ATRIP: variants seen among roughly 807,000 people sequenced by gnomAD.
ATRIP encodes the protein ATR-interacting protein.
In ATRIP, 44 loss-of-function variants were observed where a neutral mutation model predicts 78.1. That is an observed-to-expected ratio of 0.56 (90% CI 0.44 to 0.72). The LOEUF (loss-of-function observed/expected upper bound fraction) is 0.72, where lower values mean the gene tolerates loss of function less well. ATRIP is among the 30% of genes least tolerant of loss of function. The pLI is 0.00. For missense variants in ATRIP, 927 were observed against 980.2 expected (o/e 0.95, Z 0.72); for synonymous variants, 388 against 408.9 (o/e 0.95, Z 0.62).
At position 48,446,818 on chromosome 3, in the gene ATRIP, T is replaced by C; in HGVS notation, c.-28T>C. ...GCGGCAGGCAAGTCTAGCTCGGCGC[T>C]GTCGGATACTTGGGGTGAGCGGAAA... On this transcript the variant is annotated 5_prime_UTR_variant, in exon 1 of 13. Transcript: ENST00000320211. The C allele has an allele frequency of 7.2e-7, 1 of 1,383,582 alleles. No individual in the cohort carries two copies. Among genetic ancestry groups the C allele is most frequent in the Non-Finnish European group, 9.4e-7 (1 of 1,067,518 alleles). 85.7% of individuals were successfully genotyped at this position (1,383,582 alleles called of 1,614,324 possible).
rs3135938 is a variant in ATRIP, at chr3:48,464,905, C to T, written c.2130C>T (p.Thr710=). Residue 710 remains threonine, a synonymous_variant, in exon 12 of 13, where the codon ACC becomes ACT. Coordinates refer to ENST00000320211, the MANE Select transcript of ATRIP (RefSeq NM_130384.3). ...GGAGGGCAGGGGGACCCCCAAGGAC[C>T]GACCAGCAGAGGCGGACAGTGCGCT... ...TVRRAGGPPR[T]DQQRRTVRCL... 3.8e-5 allele frequency: 62 copies of T among 1,614,052 alleles called. No homozygotes were observed. The Admixed American group carries it at 4.7e-4, about 12-fold the overall frequency.
In ATRIP at chr3:48,466,399, G is replaced by A. The variant is rs979466532; in HGVS notation, c.*845G>A. On this transcript the variant is annotated 3_prime_UTR_variant, in exon 13 of 13. Transcript: ENST00000320211. ...CTAAGGGGGCACTAGGGGAGGGGCC[G>A]AGTCATGTGAAGAGGGAGACCCTCT... 6.4e-5 allele frequency: 101 copies of A among 1,574,492 alleles called. No homozygotes were observed. The highest frequency in any genetic ancestry group is 1.4e-4 in the African/African-American group (10 of 73,916).
Position 48,466,612 on chromosome 3 carries a change from C to A in ATRIP, c.*1058C>A. The A allele has an allele frequency of 6.2e-7, 1 of 1,614,082 alleles. No homozygotes were observed. Among genetic ancestry groups the A allele is most frequent in the Middle Eastern group, 1.6e-4 (1 of 6,062 alleles). ...TTAACACTGGGCACTCACACACCCACCCCATGCTCCTCTCCAGGCTCAGCA... is the reference window on the plus strand; with the variant it reads ...TTAACACTGGGCACTCACACACCCAACCCATGCTCCTCTCCAGGCTCAGCA... On this transcript the variant is annotated 3_prime_UTR_variant, in exon 13 of 13. Coordinates refer to ENST00000320211, the MANE Select transcript of ATRIP (RefSeq NM_130384.3).
At position 48,467,388 on chromosome 3, in the gene ATRIP, C is replaced by T; in HGVS notation, c.*1834C>T. 1.2e-6 allele frequency: 2 copies of T among 1,614,192 alleles called. No homozygotes were observed. Among genetic ancestry groups the T allele is most frequent in the African/African-American group, 1.3e-5 (1 of 75,056 alleles). ...AGCCTCTGCTAGGACCAAGCCAAGA[C>T]CATCTGCTGTCACAACCACTGCACA... On this transcript the variant is annotated 3_prime_UTR_variant, in exon 13 of 13. Transcript: ENST00000320211.
intron 1 of ATRIP, 174 bp downstream of exon 1, chr3:48,447,266 G>A (rs980708940): frequency 1.6e-6 from 2 of 1,266,394 alleles, no homozygotes; most frequent in African/African-American, 3.1e-5. Context: ...GATTTTAGGG[G>A]GAAATGCATT....
intron 5 of ATRIP, among the ~76,000 whole-genome samples, chr3:48,458,023 C>G (rs933703042): frequency 2.0e-5 from 3 of 151,834 alleles, no homozygotes; most frequent in African/African-American, 4.8e-5. Context: ...ATCCCTCCCC[C>G]CTCCTCCCAA....
chr3:48,465,717 AC>A lies in ATRIP; in HGVS notation c.*166del. On this transcript the variant is annotated 3_prime_UTR_variant, in exon 13 of 13. Coordinates refer to ENST00000320211, the MANE Select transcript of ATRIP (RefSeq NM_130384.3). The stretch of plus-strand genomic sequence containing the variant: ...GTGGGAGGGGTGGAGCAGGACCCGG[AC>A]CCTGAGTGGCTGGGATCCTTCTTCC... 1 of 652,472 alleles carries A rather than the reference AC, an allele frequency of 1.5e-6. No individual in the cohort carries two copies. Among genetic ancestry groups the A allele is most frequent in the Non-Finnish European group, 2.6e-6 (1 of 383,878 alleles). The allele number at this position is 652,472 out of a possible 1,614,324, so 40.4% of individuals were successfully genotyped here. A position where few individuals can be genotyped will look rare whatever the true frequency, so the allele number is the denominator to read the frequency against.
At chr3:48,452,765 G>A (rs978527840) in intron 3 of ATRIP, among the ~76,000 whole-genome samples, 1 of 152,046 alleles carries the variant, frequency 6.6e-6, no homozygotes, top group Non-Finnish European at 1.5e-5. Flanking sequence ...TTTAACTTGA[G>A]TCAGTTGTCT....
At chr3:48,463,637 T>C in intron 8 of ATRIP, 108 bp from the exon 9 acceptor site, 3 of 1,453,356 alleles carry the variant, frequency 2.1e-6, no homozygotes, top group South Asian at 2.7e-5. Flanking sequence ...CCAACTCACC[T>C]GTTCATACTG....
rs770881824 is a variant in ATRIP, at chr3:48,464,890, G to A, written c.2115G>A (p.Gly705=). The change falls in exon 12 of 13, where the codon GGG becomes GGA. Residue 705 remains glycine, a synonymous_variant. Transcript: ENST00000320211. ...AGTGGCTGACAGTGCGGAGGGCAGGGGGACCCCCAAGGACCGACCAGCAGA... is the reference window on the plus strand; with the variant it reads ...AGTGGCTGACAGTGCGGAGGGCAGGAGGACCCCCAAGGACCGACCAGCAGA... ...HRQWLTVRRA[G]GPPRTDQQRR... is the part of the protein sequence containing the mutation. 3 of 1,613,990 alleles carry A rather than the reference G, an allele frequency of 1.9e-6. No homozygotes were observed. The South Asian group carries it at 3.3e-5, about 18-fold the overall frequency.
chr3:48,449,242 C>T (rs970699341), intron 1 of ATRIP, among the ~76,000 whole-genome samples: 14 of 151,262 alleles, frequency 9.3e-5, no homozygotes, highest in African/African-American at 3.4e-4. Flanking sequence ...GGTGAAACCC[C>T]GTCTCTACTA....
rs375036455 is a variant in ATRIP, at chr3:48,464,616, G to A, written c.2009G>A (p.Ser670Asn). ...CTCCTGGCTAAGCTTGGTGTGCAGA[G>A]CCCCTTGCCCCCAGTCACTGGCTCC... is the stretch of plus-strand genomic sequence containing the variant. ...VWLLAKLGVQ[S>N]PLPPVTGSNC... Residue 670 changes from serine to asparagine, a missense_variant, in exon 11 of 13, where the codon AGC becomes AAC. Transcript: ENST00000320211. 2.3e-5 allele frequency: 37 copies of A among 1,614,034 alleles called. No homozygotes were observed. The highest frequency in any genetic ancestry group is 2.9e-5 in the Non-Finnish European group (34 of 1,179,996).
In ATRIP at chr3:48,460,302, C is replaced by G. The variant is rs34293767; in HGVS notation, c.1248C>G (p.Ala416=). ...TCCCACTCTGCCAGCTTCCTGGAGCCGTGCATTTCCTCCCCCTTGTACAGT... is the reference window on the plus strand; with the variant it reads ...TCCCACTCTGCCAGCTTCCTGGAGCGGTGCATTTCCTCCCCCTTGTACAGT... ...RAFPLCQLPG[A]VHFLPLVQFF... Residue 416 remains alanine (A), a synonymous_variant, in exon 8 of 13, where the codon GCC becomes GCG. Transcript: ENST00000320211. 1 of 1,613,874 alleles carries G rather than the reference C, an allele frequency of 6.2e-7. No individual in the cohort carries two copies. The highest frequency in any genetic ancestry group is 1.3e-5 in the African/African-American group (1 of 74,918).
chr3:48,467,221 A>G lies in ATRIP; in HGVS notation c.*1667A>G. The G allele has an allele frequency of 6.2e-7, 1 of 1,614,038 alleles. No individual in the cohort carries two copies. The highest frequency in any genetic ancestry group is 1.3e-5 in the African/African-American group (1 of 75,066). ...AGCATCTACACTCGCCTGTATGGGCAGTCCCCTCCAGACTCGCACACGGCT... is the reference window on the plus strand; with the variant it reads ...AGCATCTACACTCGCCTGTATGGGCGGTCCCCTCCAGACTCGCACACGGCT... On this transcript the variant is annotated 3_prime_UTR_variant, in exon 13 of 13. Coordinates refer to ENST00000320211, the MANE Select transcript of ATRIP (RefSeq NM_130384.3).
At chr3:48,454,254 GT>G (rs1310572626) in intron 3 of ATRIP, 45 bp from the exon 4 acceptor site, 2 of 1,065,326 alleles carry the variant, frequency 1.9e-6, no homozygotes, top group Non-Finnish European at 2.8e-6. Flanking sequence ...AGATATTTTT[GT>G]GTATATGATG....
chr3:48,451,875 C>A lies in ATRIP; in HGVS notation c.528C>A (p.Asp176Glu). 1 of 1,607,954 alleles carries A rather than the reference C, an allele frequency of 6.2e-7. No homozygotes were observed. Among genetic ancestry groups the A allele is most frequent in the Non-Finnish European group, 8.5e-7 (1 of 1,176,992 alleles). ...LEQEKTQALS[D>E]KEKEFSKKLQ... ...AAGAGAAAACCCAAGCACTCAGTGACAAGGAAAAGGAATTCTCCAAAAAGG... is the reference window on the plus strand; with the variant it reads ...AAGAGAAAACCCAAGCACTCAGTGAAAAGGAAAAGGAATTCTCCAAAAAGG... Residue 176 changes from aspartate (D) to glutamate (E), a missense_variant, in exon 3 of 13, where the codon GAC (aspartate) becomes GAA (glutamate). Transcript: ENST00000320211.
At position 48,460,155 on chromosome 3, in the gene ATRIP, T is replaced by C. The variant is rs778152912; in HGVS notation, c.1101T>C (p.Asp367=). ...GCCTCAGGACCACAGGTTCTTATGA[T>C]GGGTCATTTTCCCTCTCAGCCCTGA... ...MSGLRTTGSY[D]GSFSLSALRE... The change falls in exon 8 of 13, where the codon GAT becomes GAC. Residue 367 remains aspartate, a synonymous_variant. Transcript: ENST00000320211. The C allele has an allele frequency of 8.1e-6, 13 of 1,613,698 alleles. No homozygotes were observed. Among genetic ancestry groups the C allele is most frequent in the Non-Finnish European group, 1.1e-5 (13 of 1,179,964 alleles).
chr3:48,451,331 A>G (rs1411171634), intron 2 of ATRIP, among the ~76,000 whole-genome samples: 1 of 152,206 alleles, frequency 6.6e-6, no homozygotes, highest in Non-Finnish European at 1.5e-5. Context: ...CTCTACAGAT[A>G]AAAGTGAAAA....
Position 48,465,953 on chromosome 3 carries a change from G to T in ATRIP, c.*399G>T. ...GGGACCCACAGGTGGGCATGAAAGG[G>T]CCGCAGCAGGGGCTCCCAGCAGTGT... On this transcript the variant is annotated 3_prime_UTR_variant, in exon 13 of 13. Coordinates refer to ENST00000320211, the MANE Select transcript of ATRIP (RefSeq NM_130384.3). 1 of 289,184 alleles carries T rather than the reference G, an allele frequency of 3.5e-6. No individual in the cohort carries two copies. Among genetic ancestry groups the T allele is most frequent in the South Asian group, 3.4e-5 (1 of 29,402 alleles). The allele number at this position is 289,184 out of a possible 1,614,324, so 17.9% of individuals were successfully genotyped here. A position where few individuals can be genotyped will look rare whatever the true frequency, so the allele number is the denominator to read the frequency against.
Sources: allele counts gnomAD v4.1 joint callset (sites outside exome capture counted in the v4.1 genomes callset), GRCh38; gene constraint gnomAD v4.1.1; transcripts MANE v1.5; gene names NCBI Gene and HGNC (gene_info 2026-07-23, HGNC 2026-07-21).